Variants in PCSK1 observed in about 807,000 individuals in gnomAD.
PCSK1 encodes proprotein convertase subtilisin/kexin type 1, also known as neuroendocrine convertase 1.
Under a neutral mutation model 90.6 loss-of-function variants are expected in PCSK1, and 56 were observed. The ratio of observed to expected loss-of-function variants is 0.62; its 90% CI spans 0.50 to 0.77. The LOEUF is 0.77. Among genes scored for constraint, PCSK1 ranks in the 30% least tolerant of loss-of-function variants. PCSK1 has a pLI of 0.00. For synonymous variants in PCSK1, 348 were observed against 342.4 expected (o/e 1.02, Z -0.18); for missense variants, 801 against 932.6 (o/e 0.86, Z 1.84).
At chr5:96,425,678 C>T in intron 3 of PCSK1, 142 bp downstream of exon 3, 2 of 664,160 alleles carry the variant, frequency 3.0e-6, no homozygotes, top group Non-Finnish European at 5.4e-6. Flanking sequence ...AAGAAGATCC[C>T]ATCAGCCCTA....
intron 5 of PCSK1, among the ~76,000 whole-genome samples, chr5:96,416,361 G>A (rs1403368408): frequency 6.6e-6 from 1 of 152,132 alleles, no homozygotes; most frequent in Non-Finnish European, 1.5e-5. Context: ...TGTGACCTTG[G>A]GTAAGTTACT....
At chr5:96,412,641 C>T (rs1202608335) in intron 6 of PCSK1, 151 bp from the exon 7 acceptor site, 13 of 735,414 alleles carry the variant, frequency 1.8e-5, no homozygotes, top group African/African-American at 3.5e-5. Flanking sequence ...TTCTGTAACC[C>T]AGCTACTGAC....
At chr5:96,425,957 T>A in intron 2 of PCSK1, 27 bp from the exon 3 acceptor site, 1 of 1,329,186 alleles carries the variant, frequency 7.5e-7, no homozygotes, top group Non-Finnish European at 1.1e-6. Context: ...AGCAAGAAAA[T>A]CAAAAGTCAA....
chr5:96,422,538 C>T (rs959804948), intron 4 of PCSK1, among the ~76,000 whole-genome samples: 1 of 152,186 alleles, frequency 6.6e-6, no homozygotes, highest in Non-Finnish European at 1.5e-5. Flanking sequence ...AAACGCCTCC[C>T]GCATACCCTT....
In PCSK1 at chr5:96,410,795, T is replaced by G; in HGVS notation, c.1074A>C (p.Gly358=). The change falls in exon 8 of 14, where the codon GGA becomes GGC. Residue 358 remains glycine, a synonymous_variant. Coordinates refer to ENST00000311106, the MANE Select transcript of PCSK1 (RefSeq NM_000439.5). ...ATACGATTCTCTGGTCGGTGTAATC[T>G]CCGCTGCTGTAAGAGGTGGCCAGTG... ...SSTLATSYSS[G]DYTDQRITSA... The G allele has an allele frequency of 6.2e-7, 1 of 1,613,922 alleles. No homozygotes were observed. The highest frequency in any genetic ancestry group is 1.3e-5 in the African/African-American group (1 of 75,006).
At chr5:96,419,062 T>C (rs1431126948) in intron 5 of PCSK1, among the ~76,000 whole-genome samples, 1 of 152,020 alleles carries the variant, frequency 6.6e-6, no homozygotes, top group Non-Finnish European at 1.5e-5. Context: ...AAGCCAAATA[T>C]CCTTGTCACA....
At chr5:96,428,718 C>T (rs1035235979) in intron 2 of PCSK1, among the ~76,000 whole-genome samples, 3 of 152,078 alleles carry the variant, frequency 2.0e-5, no homozygotes, top group Non-Finnish European at 4.4e-5. Flanking sequence ...TACAGCAAAA[C>T]CAAATAGAAA....
chr5:96,398,966 T>C lies in PCSK1; in HGVS notation c.1501A>G (p.Ile501Val). Residue 501 changes from isoleucine to valine, a missense_variant, in exon 11 of 14, where the codon ATC becomes GTC. Ile to Val is a conservative substitution (Grantham distance 29, BLOSUM62 3). Coordinates refer to ENST00000311106, the MANE Select transcript of PCSK1 (RefSeq NM_000439.5). ...AATTGTACATGCTCCAGGGACTTGA[T>C]AGCATTTTCTTGTCCTTCACAAGCT... ...TRACEGQENA[I>V]KSLEHVQFEA... The C allele has an allele frequency of 1.2e-6, 2 of 1,611,856 alleles. No individual in the cohort carries two copies. Among genetic ancestry groups the C allele is most frequent in the Non-Finnish European group, 1.7e-6 (2 of 1,177,988 alleles).
chr5:96,393,508 A>C (rs755721726), intron 13 of PCSK1, 130 bp from the exon 14 acceptor site: 77 of 1,088,938 alleles, frequency 7.1e-5, no homozygotes, highest in Non-Finnish European at 9.4e-5. Context: ...AGAGAGTTCA[A>C]GACTGGGAGC....
intron 5 of PCSK1, among the ~76,000 whole-genome samples, chr5:96,418,551 G>A (rs2112432846): frequency 6.6e-6 from 1 of 152,260 alleles, no homozygotes; most frequent in South Asian, 2.1e-4. Flanking sequence ...GCATTCAAAT[G>A]TAGCTTCTAT....
rs189927028 is a variant in PCSK1 at position 96,410,839 on chromosome 5, C to A, written c.1030G>T (p.Ala344Ser). 1 of 1,614,102 alleles carries A rather than the reference C, an allele frequency of 6.2e-7. No homozygotes were observed. The highest frequency in any genetic ancestry group is 1.7e-5 in the Admixed American group (1 of 60,010). ...ASQQGLSPWYAEKCSSTLATS... is the reference protein window; with the variant it reads ...ASQQGLSPWYSEKCSSTLATS... ...GCCAGTGTGGAGGAGCACTTCTCAG[C>A]GTACCAGGGGGATAGGCCTTGCTGG... The change falls in exon 8 of 14, where the codon GCT (alanine) becomes TCT (serine). Residue 344 changes from alanine to serine, a missense_variant. Coordinates refer to ENST00000311106, the MANE Select transcript of PCSK1 (RefSeq NM_000439.5).
At chr5:96,423,731 G>A (rs771418770) in intron 3 of PCSK1, among the ~76,000 whole-genome samples, 9 of 152,158 alleles carry the variant, frequency 5.9e-5, no homozygotes, top group Non-Finnish European at 1.3e-4. Flanking sequence ...TGGCTTTGAA[G>A]AATTTTATCC....
intron 8 of PCSK1, 67 bp downstream of exon 8, chr5:96,410,707 G>A (rs1760724850): frequency 1.4e-5 from 18 of 1,255,284 alleles, no homozygotes; most frequent in Non-Finnish European, 2.0e-5. Context: ...GTCAGTTAGG[G>A]GAATCATTTC....
At chr5:96,401,456 A>C (rs1275298544) in intron 9 of PCSK1, among the ~76,000 whole-genome samples, 7 of 152,224 alleles carry the variant, frequency 4.6e-5, no homozygotes, top group Non-Finnish European at 7.3e-5. Flanking sequence ...GGGAGCTTAT[A>C]CTTTATCTTT....
intron 8 of PCSK1, among the ~76,000 whole-genome samples, chr5:96,409,595 T>C (rs1760686624): frequency 6.6e-6 from 1 of 152,200 alleles, no homozygotes; most frequent in East Asian, 1.9e-4. Context: ...TTACCCAAGA[T>C]AAGGAACAGT....
intron 1 of PCSK1, 92 bp downstream of exon 1, chr5:96,432,771 G>T: frequency 9.7e-7 from 1 of 1,034,336 alleles, no homozygotes; most frequent in Non-Finnish European, 1.5e-6. Flanking sequence ...GCTCTGGAGA[G>T]TGCAACCTGG....
intron 3 of PCSK1, among the ~76,000 whole-genome samples, chr5:96,423,908 A>T (rs459608): frequency 6.6e-6 from 1 of 152,052 alleles, no homozygotes; most frequent in East Asian, 1.9e-4. Context: ...TAGAATTTTT[A>T]TTCTAAAGGA....
intron 5 of PCSK1, among the ~76,000 whole-genome samples, chr5:96,417,061 T>C (rs910444637): frequency 1.3e-5 from 2 of 152,176 alleles, no homozygotes; most frequent in African/African-American, 4.8e-5. Context: ...CTACCAGATA[T>C]ACCAACATAG....
At chr5:96,415,790 A>G (rs1456236899) in intron 6 of PCSK1, among the ~76,000 whole-genome samples, 2 of 123,046 alleles carry the variant, frequency 1.6e-5, no homozygotes, top group Non-Finnish European at 3.3e-5. Context: ...TTCAAATGCT[A>G]TTCAACATTT....
Sources: allele counts gnomAD v4.1 joint callset (sites outside exome capture counted in the v4.1 genomes callset), GRCh38; gene constraint gnomAD v4.1.1; transcripts MANE v1.5; gene names NCBI Gene and HGNC (gene_info 2026-07-23, HGNC 2026-07-21).